The following BBX variants were observed in gnomAD, a reference collection of about 807,000 sequenced individuals.
BBX encodes HMG box transcription factor BBX.
A neutral mutation model predicts 100.2 loss-of-function variants in BBX; 30 were observed. The ratio of observed to expected loss-of-function variants is 0.30; its 90% CI spans 0.22 to 0.41. BBX has a LOEUF of 0.41. Ranked by LOEUF, BBX falls within the 10% of genes least tolerant of loss-of-function variation. The pLI is 1.00. For synonymous variants in BBX, 376 were observed against 388.1 expected (o/e 0.97, Z 0.37); for missense variants, 1,023 against 1,129.8 (o/e 0.91, Z 1.35).
chr3:107,678,436 T>C (rs2059395594), intron 3 of BBX, among the ~76,000 whole-genome samples: 2 of 152,140 alleles, frequency 1.3e-5, no homozygotes, highest in South Asian at 4.1e-4. Context: ...GAAGTTATTA[T>C]GGGCCTAGCA....
chr3:107,568,795 T>G (rs187139698), intron 2 of BBX, among the ~76,000 whole-genome samples: 3 of 152,222 alleles, frequency 2.0e-5, no homozygotes, highest in Non-Finnish European at 4.4e-5. Flanking sequence ...TGATCAGTCT[T>G]ATAGTTCAAT....
chr3:107,619,456 A>G (rs2055568308), intron 2 of BBX, among the ~76,000 whole-genome samples: 1 of 152,120 alleles, frequency 6.6e-6, no homozygotes, highest in African/African-American at 2.4e-5. Context: ...ATAGTATTCT[A>G]ATTTGTTTCA....
chr3:107,531,241 C>T (rs1394102872), intron 2 of BBX, among the ~76,000 whole-genome samples: 1 of 152,136 alleles, frequency 6.6e-6, no homozygotes, highest in Non-Finnish European at 1.5e-5. Flanking sequence ...GGAAGGTCCT[C>T]ATCACCCTCT....
Position 107,753,402 on chromosome 3 carries a change from C to CA in BBX, c.826-2195dup, listed in dbSNP as rs575209954. On this transcript the variant is annotated intron_variant, in intron 9 of 17. Transcript: ENST00000325805. The stretch of plus-strand genomic sequence containing the variant: ...CACTAAAATATGTTGAACCTCCCCC[C>CA]ACACATGCCCTTTTGGGAATCAGGC... Among the ~76,000 whole-genome samples, 518 of 152,174 alleles carry CA rather than the reference C, an allele frequency of 3.4e-3. 2 individuals are homozygous for CA. The highest frequency in any genetic ancestry group is 0.016 in the South Asian group (78 of 4,824).
intron 2 of BBX, among the ~76,000 whole-genome samples, chr3:107,584,650 A>G (rs553613504): frequency 2.1e-5 from 3 of 141,692 alleles, no homozygotes; most frequent in African/African-American, 7.8e-5. Context: ...GCTTCTTTAA[A>G]AAGTGATTTT....
intron 10 of BBX, among the ~76,000 whole-genome samples, chr3:107,769,874 C>G (rs2066753759): frequency 6.6e-6 from 1 of 152,144 alleles, no homozygotes; most frequent in South Asian, 2.1e-4. Context: ...TGACGCCCAA[C>G]TCTGAGAGTC....
intron 2 of BBX, among the ~76,000 whole-genome samples, chr3:107,589,492 T>C (rs2053133942): frequency 6.6e-6 from 1 of 152,244 alleles, no homozygotes; most frequent in African/African-American, 2.4e-5. Context: ...AGATGGTTAC[T>C]TGAAAATAAA....
intron 2 of BBX, among the ~76,000 whole-genome samples, chr3:107,571,737 C>A (rs2051380819): frequency 6.6e-6 from 1 of 152,220 alleles, no homozygotes; most frequent in Non-Finnish European, 1.5e-5. Context: ...GTGAAGAGAC[C>A]ACCAAACAGG....
chr3:107,774,926 A>G, intron 12 of BBX, 69 bp downstream of exon 12: 3 of 1,549,506 alleles, frequency 1.9e-6, no homozygotes, highest in South Asian at 1.2e-5. Context: ...TTCAAGGTAA[A>G]CAGATCACTA....
At chr3:107,547,510 GA>G (rs2049324600) in intron 2 of BBX, among the ~76,000 whole-genome samples, 1 of 152,082 alleles carries the variant, frequency 6.6e-6, no homozygotes, top group African/African-American at 2.4e-5. Context: ...GATCTGATCA[GA>G]TCTCTCACAG....
intron 14 of BBX, among the ~76,000 whole-genome samples, chr3:107,790,623 G>A (rs2068915810): frequency 6.6e-6 from 1 of 152,174 alleles, no homozygotes; most frequent in African/African-American, 2.4e-5. Context: ...GCTCAGTGCA[G>A]CCAAGTATTC....
At chr3:107,785,859 G>A (rs2068366687) in intron 13 of BBX, among the ~76,000 whole-genome samples, 1 of 151,978 alleles carries the variant, frequency 6.6e-6, no homozygotes, top group Non-Finnish European at 1.5e-5. Context: ...AACAAAAGGT[G>A]TCTAGATTAG....
intron 2 of BBX, among the ~76,000 whole-genome samples, chr3:107,617,770 C>T (rs1360624911): frequency 6.6e-6 from 1 of 152,004 alleles, no homozygotes; most frequent in African/African-American, 2.4e-5. Context: ...TAAAGTCATT[C>T]ATTTTAGAAG....
chr3:107,791,567 T>C (rs776124143), intron 15 of BBX, among the ~76,000 whole-genome samples: 8 of 152,218 alleles, frequency 5.3e-5, no homozygotes, highest in Non-Finnish European at 1.2e-4. Flanking sequence ...GAGTTTTTCA[T>C]AGCTAAATGT....
chr3:107,542,061 C>T (rs770582507), intron 2 of BBX, among the ~76,000 whole-genome samples: 1 of 152,068 alleles, frequency 6.6e-6, no homozygotes, highest in Non-Finnish European at 1.5e-5. Context: ...AGTAAGAGAA[C>T]CTCTGCCAAC....
chr3:107,778,813 A>C (rs953728638), intron 13 of BBX, among the ~76,000 whole-genome samples: 1 of 151,696 alleles, frequency 6.6e-6, no homozygotes, highest in Admixed American at 6.6e-5. Context: ...CTAATTTGGA[A>C]TGTTAACCTT....
chr3:107,608,578 A>T (rs2054611641), intron 2 of BBX, among the ~76,000 whole-genome samples: 1 of 151,428 alleles, frequency 6.6e-6, no homozygotes, highest in African/African-American at 2.4e-5. Flanking sequence ...AATTTTAGGA[A>T]TTTTTTTTCT....
Position 107,774,877 on chromosome 3 carries a change from G to A in BBX, c.2054+20G>A. 3 of 1,611,946 alleles carry A rather than the reference G, an allele frequency of 1.9e-6. No individual in the cohort carries two copies. The highest frequency in any genetic ancestry group is 1.7e-6 in the Non-Finnish European group (2 of 1,178,910). On this transcript the variant is annotated intron_variant, in intron 12 of 17. Transcript: ENST00000325805. ...CCTTGGGTAAGTGCCTGTGAGCACA[G>A]TCACCTGTACTCCACAAGCCTCAAG...
intron 2 of BBX, among the ~76,000 whole-genome samples, chr3:107,579,221 T>G (rs1200474493): frequency 1.3e-5 from 2 of 152,352 alleles, no homozygotes; most frequent in Admixed American, 1.3e-4. Flanking sequence ...CTTCAAAATC[T>G]ATGTCAGAAG....
Sources: gnomAD v4.1 joint callset for allele counts (sites outside exome capture counted in the v4.1 genomes callset) on GRCh38, gnomAD v4.1.1 for gene constraint, MANE v1.5 for transcripts, NCBI Gene and HGNC (gene_info 2026-07-23, HGNC 2026-07-21) for gene names.